Variants in RAPGEF1 observed in about 807,000 individuals in gnomAD.
RAPGEF1 encodes Rap guanine nucleotide exchange factor 1, also known as CRK SH3-binding GNRP.
RAPGEF1 carries 33 observed loss-of-function variants against 143.3 expected under a neutral mutation model. The ratio of observed to expected loss-of-function variants is 0.23; its 90% CI spans 0.17 to 0.31. The LOEUF (loss-of-function observed/expected upper bound fraction) is 0.31. RAPGEF1 is among the 10% of genes least tolerant of loss of function. RAPGEF1 has a pLI of 1.00. For missense variants in RAPGEF1, 1,199 were observed against 1,645.4 expected, an observed-to-expected ratio of 0.73 and a Z score of 4.69; for synonymous variants, 629 against 676.5, an observed-to-expected ratio of 0.93 and a Z score of 1.09.
intron 5 of RAPGEF1, among the ~76,000 whole-genome samples, chr9:131,638,113 C>T (rs1966837383): frequency 6.6e-6 from 1 of 152,252 alleles, no homozygotes; most frequent in Admixed American, 6.5e-5. Flanking sequence ...ATGGCCTTTG[C>T]TTCCCATCTT....
At chr9:131,674,835 G>T (rs1258529495) in intron 1 of RAPGEF1, among the ~76,000 whole-genome samples, 2 of 152,184 alleles carry the variant, frequency 1.3e-5, no homozygotes, top group African/African-American at 4.8e-5. Context: ...TGGAGGCGCG[G>T]GGAGGGCAGA....
intron 15 of RAPGEF1, among the ~76,000 whole-genome samples, chr9:131,599,420 CTTTTT>C (rs71374115): frequency 2.3e-5 from 3 of 131,456 alleles, no homozygotes; most frequent in Admixed American, 7.7e-5. Context: ...CGTGCCCAGT[CTTTTT>C]TTTTTTTTTT....
rs542572029 is a variant in RAPGEF1 at position 131,656,725 on chromosome 9, G to C, written c.62-5776C>G. ...GGTAGACAAGTGAGGTGTAGAGGTC[G>C]ATCACCAAAAAACCCTCTCAGGTTC... On this transcript the variant is annotated intron_variant, in intron 1 of 26. Transcript: ENST00000683357. Among the ~76,000 whole-genome samples, 29 of 152,220 alleles carry C rather than the reference G, an allele frequency of 1.9e-4. 2 individuals are homozygous for C. In the South Asian group the frequency reaches 5.8e-3, roughly 30 times the overall value.
rs866830723 is a variant in RAPGEF1, at chr9:131,730,716, A to G, written c.61+9054T>C. ...CCATCTCAAAAAAAAAAAAAAAAAA[A>G]AAGAAGAAGAACCAGCATTAGAAAG... On this transcript the variant is annotated intron_variant, in intron 1 of 26. Transcript: ENST00000683357. Among the ~76,000 whole-genome samples, 337 of 121,818 alleles carry G rather than the reference A, an allele frequency of 2.8e-3. 4 individuals are homozygous for G. The highest frequency in any genetic ancestry group is 9.1e-3 in the African/African-American group (303 of 33,368). The allele number at this position is 121,818 out of a possible 152,430, so 79.9% of individuals were successfully genotyped here. A position where few individuals can be genotyped will look rare whatever the true frequency, so the allele number is the denominator to read the frequency against.
intron 1 of RAPGEF1, among the ~76,000 whole-genome samples, chr9:131,697,042 T>C (rs1834236125): frequency 6.6e-6 from 1 of 152,226 alleles, no homozygotes; most frequent in Admixed American, 6.5e-5. Flanking sequence ...ATTACACTGA[T>C]ACATAAGTAG....
At chr9:131,672,475 A>G (rs1831561899) in intron 1 of RAPGEF1, among the ~76,000 whole-genome samples, 1 of 152,170 alleles carries the variant, frequency 6.6e-6, no homozygotes, top group African/African-American at 2.4e-5. Context: ...AATCTGATGA[A>G]CTGGGGTCTC....
In RAPGEF1 at chr9:131,629,099, T is replaced by C. The variant is rs1283542922; in HGVS notation, c.893+3A>G. The C allele has an allele frequency of 1.9e-6, 3 of 1,612,520 alleles. No homozygotes were observed. The highest frequency in any genetic ancestry group is 1.3e-5 in the African/African-American group (1 of 74,878). On this transcript the variant is annotated splice_donor_region_variant and intron_variant, in intron 7 of 26. Transcript: ENST00000683357. ...GGCACTGGACAAATAGGAAGGTAAT[T>C]ACCTATTATCAACCACCCGAATGCC...
At chr9:131,710,983 C>G (rs1399126061) in intron 1 of RAPGEF1, among the ~76,000 whole-genome samples, 7 of 152,078 alleles carry the variant, frequency 4.6e-5, no homozygotes, top group African/African-American at 1.2e-4. Flanking sequence ...AAGAATCAAA[C>G]AAAAGAGAAC....
chr9:131,634,614 G>A (rs1965810723), intron 5 of RAPGEF1, among the ~76,000 whole-genome samples: 1 of 148,626 alleles, frequency 6.7e-6, no homozygotes, highest in Non-Finnish European at 1.5e-5. Context: ...TTGGGAGGCT[G>A]AGGCAGGAGA....
intron 18 of RAPGEF1, among the ~76,000 whole-genome samples, chr9:131,591,360 C>T (rs1474032919): frequency 6.6e-6 from 1 of 152,292 alleles, no homozygotes; most frequent in East Asian, 1.9e-4. Context: ...AGATGGCAGC[C>T]GTGGGCTATG....
chr9:131,615,133 C>G (rs540892122), intron 12 of RAPGEF1, among the ~76,000 whole-genome samples: 1 of 152,164 alleles, frequency 6.6e-6, no homozygotes, highest in Non-Finnish European at 1.5e-5. Context: ...AGCGCAGTGG[C>G]GCGATCTCCA....
chr9:131,661,641 C>T (rs1397120279), intron 1 of RAPGEF1, among the ~76,000 whole-genome samples: 1 of 152,126 alleles, frequency 6.6e-6, no homozygotes, highest in East Asian at 1.9e-4. Context: ...TAAGATTCTT[C>T]GGAAAAAGAG....
In RAPGEF1 at chr9:131,596,683, T is replaced by C. The variant is rs142088319; in HGVS notation, c.2614-310A>G. 8.5e-5 allele frequency among the ~76,000 whole-genome samples: 13 copies of C among 152,242 alleles called. No individual in the cohort carries two copies. The East Asian group carries it at 1.2e-3, about 14-fold the overall frequency. Reference sequence around the variant, plus strand: ...AGCACACAACTTGGGCCAGGGGACATAGCACCTTCCATCCTTCCTTGCTCA... The same window carrying C: ...AGCACACAACTTGGGCCAGGGGACACAGCACCTTCCATCCTTCCTTGCTCA... On this transcript the variant is annotated intron_variant, in intron 16 of 26. Transcript: ENST00000683357.
At chr9:131,684,801 C>G (rs1833200062) in intron 1 of RAPGEF1, among the ~76,000 whole-genome samples, 1 of 152,202 alleles carries the variant, frequency 6.6e-6, no homozygotes, top group Non-Finnish European at 1.5e-5. Flanking sequence ...ATCAAGACAC[C>G]TGAAACCTTA....
At chr9:131,651,070 CA>C in intron 1 of RAPGEF1, 121 bp from the exon 2 acceptor site, 1 of 1,268,348 alleles carries the variant, frequency 7.9e-7, no homozygotes. Flanking sequence ...TTGAGAGTTT[CA>C]AGGGAAAGGA....
At chr9:131,643,984 C>T (rs1186929349) in intron 3 of RAPGEF1, among the ~76,000 whole-genome samples, 1 of 152,066 alleles carries the variant, frequency 6.6e-6, no homozygotes, top group Non-Finnish European at 1.5e-5. Flanking sequence ...TCCTCAAGGG[C>T]CTGGAAGCTC....
intron 1 of RAPGEF1, among the ~76,000 whole-genome samples, chr9:131,702,596 G>A (rs953122378): frequency 6.6e-6 from 1 of 152,150 alleles, no homozygotes; most frequent in Non-Finnish European, 1.5e-5. Flanking sequence ...AGAGTAACTG[G>A]TAAATTTATA....
chr9:131,614,055 G>A (rs533390132), intron 12 of RAPGEF1, among the ~76,000 whole-genome samples: 1 of 152,156 alleles, frequency 6.6e-6, no homozygotes, highest in African/African-American at 2.4e-5. Flanking sequence ...CACAACATGG[G>A]GACAGCGGCA....
chr9:131,712,859 G>A (rs1384777229), intron 1 of RAPGEF1, among the ~76,000 whole-genome samples: 2 of 152,148 alleles, frequency 1.3e-5, no homozygotes, highest in African/African-American at 4.8e-5. Context: ...AACTGTTCAG[G>A]GGTAGGGGGA....
Sources: gnomAD v4.1 joint callset for allele counts (sites outside exome capture counted in the v4.1 genomes callset) on GRCh38, gnomAD v4.1.1 for gene constraint, MANE v1.5 for transcripts, NCBI Gene and HGNC (gene_info 2026-07-23, HGNC 2026-07-21) for gene names.